The following KCNG4 variants were observed in gnomAD, a reference collection of about 807,000 sequenced individuals.
KCNG4 encodes the protein voltage-gated potassium channel regulatory subunit KCNG4.
In KCNG4, 30 loss-of-function variants were observed where a neutral mutation model predicts 28.2. That is an observed-to-expected ratio of 1.06 (90% confidence interval 0.80 to 1.44). The LOEUF is 1.44. KCNG4 is among the 40% of genes most tolerant of loss of function. The pLI is 0.00. For synonymous variants in KCNG4, 375 were observed against 315.5 expected (o/e 1.19, Z -2.00); for missense variants, 879 against 712.3 (o/e 1.23, Z -2.66).
At chr16:84,238,783 G>A (rs1032684072) in intron 1 of KCNG4, among the ~76,000 whole-genome samples, 2 of 152,106 alleles carry the variant, frequency 1.3e-5, no homozygotes, top group Non-Finnish European at 2.9e-5. Flanking sequence ...CAGGAGAATC[G>A]CTTGAACCCG....
chr16:84,222,915 A>G lies in KCNG4; in HGVS notation c.862T>C (p.Cys288Arg). ...TTCAGGGGCCCCTGGAAGAACTGAC[A>G]CTTGTCTTGGGCCTGGACAAACCGC... is the stretch of plus-strand genomic sequence containing the variant. ...CLRFVQAQDK[C>R]QFFQGPLNII... The change falls in exon 3 of 3, where the codon TGT becomes CGT. Residue 288 changes from cysteine to arginine, a missense_variant. Physicochemically the swap from Cys to Arg is radical, Grantham distance 180 (BLOSUM62 -3). Coordinates refer to ENST00000308251, the MANE Select transcript of KCNG4 (RefSeq NM_172347.3). 6.2e-7 allele frequency: 1 copy of G among 1,611,018 alleles called. No homozygotes were observed. Among genetic ancestry groups the G allele is most frequent in the Non-Finnish European group, 8.5e-7 (1 of 1,177,946 alleles).
rs148804821 is a variant in KCNG4, at chr16:84,228,070, A to C, written c.757-5050T>G. 3.9e-4 allele frequency among the ~76,000 whole-genome samples: 60 copies of C among 152,324 alleles called. 3 individuals are homozygous for C. The East Asian group carries it at 8.5e-3, about 22-fold the overall frequency. On this transcript the variant is annotated intron_variant, in intron 2 of 2. Transcript: ENST00000308251. ...ACTCCTGGGGGAGGCAGGAAGTGGA[A>C]GTAGTGGGGGTCCCACAGCCTGGCC...
chr16:84,236,887 C>G lies in KCNG4; in HGVS notation c.599G>C (p.Trp200Ser). The part of the protein sequence containing the change: ...TRRPASHSSR[W>S]GLCMNRLREM... The stretch of plus-strand genomic sequence containing the variant: ...GCGCAGCCGGTTCATGCACAGGCCC[C>G]AGCGCGAGGAGTGCGAGGCGGGGCG... Residue 200 changes from tryptophan (W) to serine (S), a missense_variant, in exon 2 of 3, where the codon TGG becomes TCG. Transcript: ENST00000308251. 6.2e-7 allele frequency: 1 copy of G among 1,613,540 alleles called. No homozygotes were observed. The highest frequency in any genetic ancestry group is 1.1e-5 in the South Asian group (1 of 91,076).
rs142596437 is a variant in KCNG4 at position 84,237,291 on chromosome 16, C to G, written c.195G>C (p.Val65=). The change falls in exon 2 of 3, where the codon GTG becomes GTC. Residue 65 remains valine, a synonymous_variant. Transcript: ENST00000308251. ...AGGGGAGGAGATACCTCCTGCCCCC[C>G]ACGTTGATCAGGATCTCCTTCTTCA... ...VDLKKEILIN[V]GGRRYLLPWS... The G allele has an allele frequency of 1.1e-4, 184 of 1,603,344 alleles. No individual in the cohort carries two copies. The highest frequency in any genetic ancestry group is 1.9e-4 in the African/African-American group (14 of 74,802).
intron 2 of KCNG4, among the ~76,000 whole-genome samples, chr16:84,227,136 T>C (rs540533139): frequency 4.5e-4 from 69 of 152,132 alleles, no homozygotes; most frequent in African/African-American, 1.6e-3. Flanking sequence ...CTGGAACCCA[T>C]CACTACTGGT....
chr16:84,234,499 C>G (rs147096466), intron 2 of KCNG4, among the ~76,000 whole-genome samples: 1 of 152,190 alleles, frequency 6.6e-6, no homozygotes, highest in Non-Finnish European at 1.5e-5. Flanking sequence ...TTTGCAATCT[C>G]TGGCACAGAC....
intron 2 of KCNG4, among the ~76,000 whole-genome samples, chr16:84,225,078 G>A (rs1904666806): frequency 6.6e-6 from 1 of 152,168 alleles, no homozygotes; most frequent in Non-Finnish European, 1.5e-5. Context: ...GCAGGCACAG[G>A]ATGCGCTGTA....
chr16:84,238,854 C>T lies in KCNG4; in HGVS notation c.-41+816G>A, dbSNP rs139927227. On this transcript the variant is annotated intron_variant, in intron 1 of 2. Transcript: ENST00000308251. ...TTGCACTCCAGCCTGGACAACAGAGCGAGACTCCATCTCAAAAAGAAAAAA... is the reference window on the plus strand; with the variant it reads ...TTGCACTCCAGCCTGGACAACAGAGTGAGACTCCATCTCAAAAAGAAAAAA... Among the ~76,000 whole-genome samples, 572 of 151,912 alleles carry T rather than the reference C, an allele frequency of 3.8e-3. 4 individuals are homozygous for T. Among genetic ancestry groups the T allele is most frequent in the Non-Finnish European group, 6.4e-3 (432 of 67,980 alleles).
In KCNG4 at chr16:84,222,049, G is replaced by A; in HGVS notation, c.*168C>T. On this transcript the variant is annotated 3_prime_UTR_variant, in exon 3 of 3. Coordinates refer to ENST00000308251, the MANE Select transcript of KCNG4 (RefSeq NM_172347.3). ...CAGCCTGGGACATCGGGGCCCCGAG[G>A]GACAAGGATCACAGACACACAGCCT... 1 of 774,212 alleles carries A rather than the reference G, an allele frequency of 1.3e-6. No individual in the cohort carries two copies. Among genetic ancestry groups the A allele is most frequent in the South Asian group, 1.7e-5 (1 of 58,392 alleles). The allele number at this position is 774,212 out of a possible 1,614,324, so 48.0% of individuals were successfully genotyped here.
intron 2 of KCNG4, among the ~76,000 whole-genome samples, chr16:84,227,223 C>T (rs1904718062): frequency 6.6e-6 from 1 of 152,302 alleles, no homozygotes; most frequent in East Asian, 1.9e-4. Context: ...TACCATGCAA[C>T]CCAGCTGTTC....
At chr16:84,229,725 G>T (rs1308582597) in intron 2 of KCNG4, among the ~76,000 whole-genome samples, 1 of 152,194 alleles carries the variant, frequency 6.6e-6, no homozygotes, top group African/African-American at 2.4e-5. Context: ...GAGGTGGGGG[G>T]ACTGTGAGGA....
At position 84,226,349 on chromosome 16, in the gene KCNG4, G is replaced by A. The variant is rs967114807; in HGVS notation, c.757-3329C>T. The stretch of plus-strand genomic sequence containing the variant: ...GTGATCAGAACAGTGGCTGCCTCTG[G>A]GTAGTGTAGGGATGGCCTGTGAAGG... On this transcript the variant is annotated intron_variant, in intron 2 of 2. Coordinates refer to ENST00000308251, the MANE Select transcript of KCNG4 (RefSeq NM_172347.3). The surrounding 1 kb of genome is among the most constrained non-coding windows in gnomAD (Gnocchi z 4.1). Among the ~76,000 whole-genome samples, 2 of 152,166 alleles carry A rather than the reference G, an allele frequency of 1.3e-5. No individual in the cohort carries two copies. The highest frequency in any genetic ancestry group is 2.9e-5 in the Non-Finnish European group (2 of 68,022).
In KCNG4 at chr16:84,237,089, C is replaced by G; in HGVS notation, c.397G>C (p.Val133Leu). Residue 133 changes from valine to leucine, a missense_variant, in exon 2 of 3, where the codon GTG (valine) becomes CTG (leucine). Coordinates refer to ENST00000308251, the MANE Select transcript of KCNG4 (RefSeq NM_172347.3). The stretch of plus-strand genomic sequence containing the variant: ...AGCGCGCACATCTCCTGCAGAAGCA[C>G]CAGCTTCCCGGCCGCCAGGAAGCTC... ...IVSFLAAGKLVLLQEMCALSF... is the reference protein window; with the variant it reads ...IVSFLAAGKLLLLQEMCALSF... 1 of 1,614,126 alleles carries G rather than the reference C, an allele frequency of 6.2e-7. No individual in the cohort carries two copies. The highest frequency in any genetic ancestry group is 1.1e-5 in the South Asian group (1 of 91,078).
chr16:84,235,446 A>G (rs756433387), intron 2 of KCNG4: 2 of 152,234 alleles, frequency 1.3e-5, no homozygotes, highest in Non-Finnish European at 2.9e-5. Context: ...TGTAGAATGA[A>G]AAAATGCCTA....
At chr16:84,236,578 A>T in intron 2 of KCNG4, 152 bp downstream of exon 2, 17 of 870,950 alleles carry the variant, frequency 2.0e-5, no homozygotes, top group Non-Finnish European at 2.7e-5. Flanking sequence ...TTTATGACTG[A>T]TGGCCTAATA....
At chr16:84,228,366 C>G (rs986047803) in intron 2 of KCNG4, among the ~76,000 whole-genome samples, 1 of 152,218 alleles carries the variant, frequency 6.6e-6, no homozygotes, top group East Asian at 1.9e-4. Context: ...CCCTCCCCTC[C>G]CTCCTGCTGT....
At chr16:84,237,619 GT>G (rs1346264978) in intron 1 of KCNG4, 94 bp from the exon 2 acceptor site, 1 of 779,878 alleles carries the variant, frequency 1.3e-6, no homozygotes, top group Non-Finnish European at 1.8e-6. Context: ...GTTCTTACGT[GT>G]GCTTTCCTGT....
In KCNG4 at chr16:84,222,342, G is replaced by A. The variant is rs1386022638; in HGVS notation, c.1435C>T (p.Gln479Ter). ...CATTCACTGGCTGGACCGGTGTTTTGGAGGTGGCGGAGGCGGGCCTGAAGC... is the reference window on the plus strand; with the variant it reads ...CATTCACTGGCTGGACCGGTGTTTTAGAGGTGGCGGAGGCGGGCCTGAAGC... ...EQLQARLRHL[Q>*]NTGPASECEL... is the part of the protein sequence containing the mutation. Residue 479 changes from glutamine to a stop codon, truncating the protein, a stop_gained, in exon 3 of 3, where the codon CAA (glutamine) becomes TAA (stop). Coordinates refer to ENST00000308251, the MANE Select transcript of KCNG4 (RefSeq NM_172347.3). LOFTEE classifies it low-confidence loss of function (END_TRUNC). 2.5e-6 allele frequency: 4 copies of A among 1,614,150 alleles called. No homozygotes were observed. In the Middle Eastern group the frequency reaches 4.9e-4, roughly 200 times the overall value.
Position 84,220,734 on chromosome 16 carries a change from C to T in KCNG4, c.*1483G>A, listed in dbSNP as rs1186603085. ...CCATCAGGATGTCTCCAAGGTGTGT[C>T]CTGCTGGGAGAAGCCAGGATTTGAC... is the stretch of plus-strand genomic sequence containing the variant. On this transcript the variant is annotated 3_prime_UTR_variant, in exon 3 of 3. Transcript: ENST00000308251. 6.6e-6 allele frequency: 1 copy of T among 152,248 alleles called. No individual in the cohort carries two copies. Among genetic ancestry groups the T allele is most frequent in the Admixed American group, 6.5e-5 (1 of 15,274 alleles). 9.4% of individuals were successfully genotyped at this position (152,248 alleles called of 1,614,324 possible). A position where few individuals can be genotyped will look rare whatever the true frequency, so the allele number is the denominator to read the frequency against.
Sources: allele counts gnomAD v4.1 joint callset (sites outside exome capture counted in the v4.1 genomes callset), GRCh38; gene constraint gnomAD v4.1.1; non-coding constraint Gnocchi (gnomAD v3.1); transcripts MANE v1.5; gene names NCBI Gene and HGNC (gene_info 2026-07-23, HGNC 2026-07-21).